LRRCC1: variants seen among roughly 807,000 people sequenced by gnomAD.
LRRCC1 encodes leucine rich repeat and coiled-coil centrosomal protein 1.
A neutral mutation model predicts 126.0 loss-of-function variants in LRRCC1; 115 were observed. The ratio of observed to expected loss-of-function variants is 0.91; its 90% confidence interval spans 0.78 to 1.07. The LOEUF is 1.07. Among genes scored for constraint, LRRCC1 ranks in the 50% least tolerant of loss-of-function variants. LRRCC1 has a pLI of 0.00. For synonymous variants in LRRCC1, 400 were observed against 393.4 expected (o/e 1.02, Z -0.20); for missense variants, 1,172 against 1,175.7 (o/e 1.00, Z 0.05).
chr8:85,107,300 AGGCGGC>A lies in LRRCC1; in HGVS notation c.14_19del (p.Ala5_Ala6del), dbSNP rs762841704. 1 of 1,611,726 alleles carries A rather than the reference AGGCGGC, an allele frequency of 6.2e-7. No individual in the cohort carries two copies. The highest frequency in any genetic ancestry group is 1.1e-5 in the South Asian group (1 of 90,706). ...CCGCTCCCCGTCGCCAGTGCTATGG[AGGCGGC>A]GGCGGCGGTGGTGGCGGCAGAGGCG... On this transcript the variant is annotated inframe_deletion, in exon 1 of 19. Transcript: ENST00000360375.
In LRRCC1 at chr8:85,131,961, T is replaced by C. The variant is rs1810502594; in HGVS notation, c.1968T>C (p.Asp656=). 5 of 1,607,028 alleles carry C rather than the reference T, an allele frequency of 3.1e-6. No homozygotes were observed. The South Asian group carries it at 4.5e-5, about 14-fold the overall frequency. Residue 656 remains aspartate (D), a splice_region_variant and synonymous_variant, in exon 12 of 19, where the codon GAT becomes GAC. Transcript: ENST00000360375. The part of the protein sequence containing the change: ...ALTVEARRFQ[D]VKDGFENVAT... ...CTGTTGAAGCCAGAAGATTTCAAGA[T>C]GTAAGAATTGGCACCCAGCTTTTTA...
chr8:85,129,431 C>A, intron 10 of LRRCC1, 52 bp downstream of exon 10: 3 of 1,431,182 alleles, frequency 2.1e-6, no homozygotes, highest in Non-Finnish European at 2.9e-6. Context: ...AAATTCATAG[C>A]TTCTATCGTG....
intron 11 of LRRCC1, among the ~76,000 whole-genome samples, chr8:85,130,275 A>G (rs28621707): frequency 1.3e-5 from 2 of 151,190 alleles, no homozygotes; most frequent in South Asian, 4.2e-4. Context: ...AGCTGGGACT[A>G]CAGGCGCCCG....
intron 6 of LRRCC1, 52 bp from the exon 7 acceptor site, chr8:85,123,361 A>G (rs1809714670): frequency 8.4e-7 from 1 of 1,194,132 alleles, no homozygotes; most frequent in Non-Finnish European, 1.2e-6. Flanking sequence ...TCCAATTTCA[A>G]TCTTTTTTAT....
chr8:85,134,937 T>G lies in LRRCC1; in HGVS notation c.2059T>G (p.Ser687Ala). 6.3e-7 allele frequency: 1 copy of G among 1,596,326 alleles called. No individual in the cohort carries two copies. The highest frequency in any genetic ancestry group is 1.9e-5 in the Admixed American group (1 of 53,712). ...WAQRKENESS[S>A]LIKDLTCMVK... is the part of the protein sequence containing the mutation. ...TCAACGAAAAGAAAATGAGTCTTCC[T>G]CTTTAATTAAAGATCTGACCTGTAT... Residue 687 changes from serine (S) to alanine (A), a missense_variant, in exon 13 of 19, where the codon TCT (serine) becomes GCT (alanine). Transcript: ENST00000360375.
chr8:85,135,761 T>A (rs970340029), intron 13 of LRRCC1, 28 bp from the exon 14 acceptor site: 30 of 1,249,220 alleles, frequency 2.4e-5, no homozygotes, highest in Non-Finnish European at 2.8e-5. Context: ...ATATAATAAT[T>A]CTTATTTTTT....
chr8:85,114,985 G>T, intron 4 of LRRCC1, 115 bp from the exon 5 acceptor site: 2 of 688,678 alleles, frequency 2.9e-6, no homozygotes, highest in Non-Finnish European at 2.3e-6. Context: ...TTTATTATTT[G>T]CTTTCTGGAA....
At chr8:85,131,378 C>T (rs1228052119) in intron 11 of LRRCC1, among the ~76,000 whole-genome samples, 6 of 152,306 alleles carry the variant, frequency 3.9e-5, no homozygotes, top group Non-Finnish European at 1.5e-5. Context: ...TACACTTTAA[C>T]TGACTTTTTC....
intron 3 of LRRCC1, among the ~76,000 whole-genome samples, chr8:85,111,050 C>A (rs756465649): frequency 1.2e-4 from 19 of 152,082 alleles, no homozygotes; most frequent in Non-Finnish European, 2.4e-4. Flanking sequence ...TTTTTAAAAC[C>A]TTTTTTCCTC....
intron 7 of LRRCC1, among the ~76,000 whole-genome samples, chr8:85,124,150 C>T (rs1300597327): frequency 2.0e-5 from 3 of 152,238 alleles, no homozygotes; most frequent in Admixed American, 6.5e-5. Flanking sequence ...TCTGTACTTT[C>T]ATAATTGGGA....
intron 15 of LRRCC1, 22 bp downstream of exon 15, chr8:85,137,649 G>T: frequency 1.4e-6 from 2 of 1,403,040 alleles, no homozygotes; most frequent in South Asian, 3.8e-5. Context: ...ATTTTATTTT[G>T]GTTAAAGAGC....
intron 1 of LRRCC1, among the ~76,000 whole-genome samples, chr8:85,107,975 T>A (rs1373368986): frequency 1.3e-5 from 2 of 152,248 alleles, no homozygotes; most frequent in African/African-American, 4.8e-5. Context: ...ATCGTTTCCC[T>A]CTCTCTTGAA....
At chr8:85,142,415 T>C (rs7015779) in intron 18 of LRRCC1, among the ~76,000 whole-genome samples, 3,099 of 152,246 alleles carry the variant, frequency 0.02, 114 homozygotes, top group African/African-American at 0.071. Context: ...GGTGAGATAA[T>C]ATGAATTTCC....
intron 18 of LRRCC1, among the ~76,000 whole-genome samples, chr8:85,141,887 G>A (rs1811277440): frequency 6.6e-6 from 1 of 152,140 alleles, no homozygotes; most frequent in Non-Finnish European, 1.5e-5. Flanking sequence ...AGTTATCAGA[G>A]TATTAGGGTT....
chr8:85,134,827 A>G lies in LRRCC1; in HGVS notation c.1969-20A>G. ...AATTATTTGGAGAACTGCTATTTATAATACAATTTTGGAATATAGGTTAAA... is the reference window on the plus strand; with the variant it reads ...AATTATTTGGAGAACTGCTATTTATGATACAATTTTGGAATATAGGTTAAA... On this transcript the variant is annotated intron_variant, in intron 12 of 18. Transcript: ENST00000360375. 6.6e-7 allele frequency: 1 copy of G among 1,507,226 alleles called. No homozygotes were observed. The highest frequency in any genetic ancestry group is 8.9e-7 in the Non-Finnish European group (1 of 1,118,648). 93.4% of individuals were successfully genotyped at this position (1,507,226 alleles called of 1,614,324 possible).
At chr8:85,142,460 T>A (rs1811320200) in intron 18 of LRRCC1, among the ~76,000 whole-genome samples, 1 of 152,050 alleles carries the variant, frequency 6.6e-6, no homozygotes, top group African/African-American at 2.4e-5. Flanking sequence ...AATAAGAAAC[T>A]AAGGTATCTG....
Position 85,137,467 on chromosome 8 carries a change from C to A in LRRCC1, c.2333C>A (p.Ser778Tyr). ...VWGHELAQQG[S>Y]SLAQNRGKLE... is the part of the protein sequence containing the mutation. ...ATTGATGATTTTTGTTTCTTAGGAT[C>A]TTCTCTAGCCCAAAATCGTGGAAAA... Residue 778 changes from serine to tyrosine, a missense_variant, in exon 15 of 19, where the codon TCT becomes TAT. Ser to Tyr is a moderately radical substitution (Grantham distance 144). Coordinates refer to ENST00000360375, the MANE Select transcript of LRRCC1 (RefSeq NM_033402.5). The A allele has an allele frequency of 6.5e-7, 1 of 1,547,486 alleles. No individual in the cohort carries two copies. The highest frequency in any genetic ancestry group is 8.6e-7 in the Non-Finnish European group (1 of 1,156,952).
At chr8:85,142,964 T>C (rs1811367454) in intron 18 of LRRCC1, among the ~76,000 whole-genome samples, 1 of 152,028 alleles carries the variant, frequency 6.6e-6, no homozygotes, top group East Asian at 1.9e-4. Flanking sequence ...TGAGTAAGAA[T>C]ATAACTTGTC....
intron 9 of LRRCC1, among the ~76,000 whole-genome samples, chr8:85,128,328 T>G (rs1563945839): frequency 6.6e-6 from 1 of 152,200 alleles, no homozygotes; most frequent in Non-Finnish European, 1.5e-5. Context: ...TTCTTCTTAC[T>G]TAACCTATTG....
Sources: gnomAD v4.1 joint callset for allele counts (sites outside exome capture counted in the v4.1 genomes callset) on GRCh38, gnomAD v4.1.1 for gene constraint, MANE v1.5 for transcripts, NCBI Gene and HGNC (gene_info 2026-07-23, HGNC 2026-07-21) for gene names.